LAMA2: variants seen among roughly 807,000 people sequenced by gnomAD.
LAMA2 encodes the protein laminin subunit alpha 2.
LAMA2 carries 269 observed loss-of-function variants against 364.8 expected under a neutral mutation model. The ratio of observed to expected loss-of-function variants is 0.74; its 90% confidence interval spans 0.67 to 0.82. LAMA2 has a LOEUF of 0.82. LAMA2 is among the 40% of genes least tolerant of loss of function. The probability of loss-of-function intolerance (pLI) is 0.00; values close to 1 mark genes in which losing one functional copy is unlikely to be tolerated. For missense variants in LAMA2, 3,807 were observed against 3,873.2 expected (o/e 0.98, Z 0.45); for synonymous variants, 1,379 against 1,370.6 (o/e 1.01, Z -0.14).
At chr6:128,916,993 C>T (rs1582670416) in intron 1 of LAMA2, among the ~76,000 whole-genome samples, 1 of 152,116 alleles carries the variant, frequency 6.6e-6, no homozygotes, top group Non-Finnish European at 1.5e-5. Context: ...CTCTTTCCCC[C>T]TGACATTATC....
intron 59 of LAMA2, 58 bp downstream of exon 59, chr6:129,502,829 T>A (rs1785755720): frequency 2.6e-6 from 3 of 1,173,866 alleles, no homozygotes. Context: ...TGAGTATTTG[T>A]GTTTAATCAA....
chr6:129,162,432 C>G (rs985590125), intron 8 of LAMA2, among the ~76,000 whole-genome samples: 4 of 151,864 alleles, frequency 2.6e-5, no homozygotes, highest in Admixed American at 1.3e-4. Flanking sequence ...TATATATTGC[C>G]CTCCTGCTTG....
intron 1 of LAMA2, among the ~76,000 whole-genome samples, chr6:128,898,648 A>G (rs932153677): frequency 3.3e-5 from 5 of 152,148 alleles, no homozygotes; most frequent in African/African-American, 4.8e-5. Context: ...TTTCCATTTT[A>G]CAATCAATTT....
intron 12 of LAMA2, among the ~76,000 whole-genome samples, chr6:129,229,955 A>C (rs1032928945): frequency 6.6e-6 from 1 of 152,200 alleles, no homozygotes; most frequent in East Asian, 1.9e-4. Flanking sequence ...AGTGATAGCT[A>C]GTATACAAGT....
intron 63 of LAMA2, among the ~76,000 whole-genome samples, chr6:129,512,799 CTCT>C (rs1786708601): frequency 6.6e-6 from 1 of 152,160 alleles, no homozygotes; most frequent in African/African-American, 2.4e-5. Flanking sequence ...TCTTATTCTC[CTCT>C]TAAGGAACAC....
chr6:129,482,282 A>C (rs1784384897), intron 55 of LAMA2, among the ~76,000 whole-genome samples: 1 of 152,208 alleles, frequency 6.6e-6, no homozygotes, highest in African/African-American at 2.4e-5. Context: ...TTTTTTTAAA[A>C]AAGAGTATCA....
chr6:129,152,101 T>C (rs907881210), intron 7 of LAMA2, among the ~76,000 whole-genome samples: 35 of 152,084 alleles, frequency 2.3e-4, no homozygotes, highest in African/African-American at 7.7e-4. Flanking sequence ...ATCTTACATA[T>C]CAATAAGAAA....
chr6:129,106,653 TA>T (rs901736468), intron 4 of LAMA2, among the ~76,000 whole-genome samples: 1 of 152,056 alleles, frequency 6.6e-6, no homozygotes, highest in African/African-American at 2.4e-5. Flanking sequence ...TGGAGTCCTC[TA>T]AAAAATGAAA....
At position 129,393,091 on chromosome 6, in the gene LAMA2, T is replaced by G; in HGVS notation, c.5281T>G (p.Ser1761Ala). The G allele has an allele frequency of 3.1e-6, 5 of 1,613,258 alleles. No individual in the cohort carries two copies. The highest frequency in any genetic ancestry group is 4.2e-6 in the Non-Finnish European group (5 of 1,179,814). The change falls in exon 37 of 65, where the codon TCC becomes GCC. Residue 1761 changes from serine (S) to alanine (A), a missense_variant. Ser to Ala is a moderately conservative substitution (Grantham distance 99). Around this residue, in one of 3 missense-constraint regions of LAMA2, gnomAD observed 3,333 missense variants for 3,345.7 expected, o/e 1.00. Coordinates refer to ENST00000421865, the MANE Select transcript of LAMA2 (RefSeq NM_000426.4). ...AAAAGTGAAGAAGCTGTTTGGAGAG[T>G]CCCGGGGGGAAAATGAAGAAATGGA... ...LKKVKKLFGE[S>A]RGENEEMEKD... is the part of the protein sequence containing the mutation.
chr6:129,227,669 G>A (rs182939402), intron 12 of LAMA2, among the ~76,000 whole-genome samples: 4 of 152,238 alleles, frequency 2.6e-5, no homozygotes, highest in East Asian at 3.9e-4. Context: ...AAATGTTGCC[G>A]CCTGATCGTT....
intron 49 of LAMA2, among the ~76,000 whole-genome samples, 160 bp downstream of exon 49, chr6:129,460,484 C>A (rs1442345895): frequency 1.3e-5 from 2 of 152,056 alleles, no homozygotes; most frequent in African/African-American, 4.8e-5. Flanking sequence ...TCTTCAAGTC[C>A]CTGCCTGCAT....
At chr6:129,205,478 G>GTATATATATATATATATATATATATATA (rs749614184) in intron 12 of LAMA2, among the ~76,000 whole-genome samples, 59 of 116,326 alleles carry the variant, frequency 5.1e-4, no homozygotes, top group South Asian at 1.9e-3. Flanking sequence ...TATTCTGTAA[G>GTATATATATATATATATATATATATATA]TATATATATA....
At position 129,491,881 on chromosome 6, in the gene LAMA2, T is replaced by C. The variant is rs1206519069; in HGVS notation, c.7899-20T>C. The C allele has an allele frequency of 1.9e-6, 3 of 1,569,330 alleles. No individual in the cohort carries two copies. Among genetic ancestry groups the C allele is most frequent in the Non-Finnish European group, 2.6e-6 (3 of 1,140,800 alleles). Reference sequence around the variant, plus strand: ...GAATCAGATGTGACTTATACTTGTTTATTTTTAATATTTTATCAGCATCTT... The same window carrying C: ...GAATCAGATGTGACTTATACTTGTTCATTTTTAATATTTTATCAGCATCTT... On this transcript the variant is annotated intron_variant, in intron 56 of 64. Transcript: ENST00000421865.
intron 29 of LAMA2, among the ~76,000 whole-genome samples, chr6:129,330,000 G>A (rs1775536228): frequency 6.6e-6 from 1 of 151,890 alleles, no homozygotes; most frequent in Non-Finnish European, 1.5e-5. Flanking sequence ...AACTGCACAT[G>A]TGAGGGATCT....
chr6:129,472,311 G>GCT (rs1334885640), intron 51 of LAMA2, among the ~76,000 whole-genome samples: 3 of 151,878 alleles, frequency 2.0e-5, no homozygotes, highest in Non-Finnish European at 4.4e-5. Flanking sequence ...CAAAGGTTTA[G>GCT]AGGCCAAATC....
intron 32 of LAMA2, among the ~76,000 whole-genome samples, chr6:129,359,893 A>G (rs1258776044): frequency 1.3e-5 from 2 of 152,098 alleles, no homozygotes; most frequent in Non-Finnish European, 2.9e-5. Flanking sequence ...ATTTTGTGCT[A>G]ATTGCTAACA....
chr6:129,128,222 C>G (rs1166904415), intron 4 of LAMA2, among the ~76,000 whole-genome samples: 1 of 152,068 alleles, frequency 6.6e-6, no homozygotes, highest in Admixed American at 6.6e-5. Context: ...ATGTGGATAC[C>G]TAGTTTCCCC....
At chr6:129,338,738 C>T (rs1248062725) in intron 29 of LAMA2, among the ~76,000 whole-genome samples, 1 of 152,088 alleles carries the variant, frequency 6.6e-6, no homozygotes, top group East Asian at 1.9e-4. Context: ...TTTAGGTCAT[C>T]GGGGAATGTT....
In LAMA2 at chr6:128,920,591, A is replaced by G. The variant is rs1778639358; in HGVS notation, c.112+37234A>G. On this transcript the variant is annotated intron_variant, in intron 1 of 64. Coordinates refer to ENST00000421865, the MANE Select transcript of LAMA2 (RefSeq NM_000426.4). ...CCTTTTCCCAATTAACCATGTTTATATCCTAGTTTATGTGCTTCCTTTTAG... is the reference window on the plus strand; with the variant it reads ...CCTTTTCCCAATTAACCATGTTTATGTCCTAGTTTATGTGCTTCCTTTTAG... Among the ~76,000 whole-genome samples the G allele has an allele frequency of 2.0e-5, 3 of 151,926 alleles. No individual in the cohort carries two copies. In the South Asian group the frequency reaches 6.2e-4, roughly 32 times the overall value.
Sources: allele counts gnomAD v4.1 joint callset (sites outside exome capture counted in the v4.1 genomes callset), GRCh38; gene constraint gnomAD v4.1.1; regional missense constraint gnomAD v4.1.1; transcripts MANE v1.5; gene names NCBI Gene and HGNC (gene_info 2026-07-23, HGNC 2026-07-21).